The following FAM167A variants were observed in gnomAD, a reference collection of about 807,000 sequenced individuals.
The protein encoded by FAM167A is family with sequence similarity 167 member A.
In FAM167A, 23 loss-of-function variants were observed where a neutral mutation model predicts 14.9. The observed-to-expected ratio is 1.55, with a 90% CI of 1.11 to 2.19. The LOEUF (loss-of-function observed/expected upper bound fraction) is 2.19, where lower values mean the gene tolerates loss of function less well. Among genes scored for constraint, FAM167A ranks in the 30% most tolerant of loss-of-function variants. The pLI, the probability that FAM167A is intolerant of heterozygous loss-of-function variation, is 0.00. For synonymous variants in FAM167A, 174 were observed against 117.7 expected, an observed-to-expected ratio of 1.48 and a Z score of -3.10; for missense variants, 401 against 281.5, an observed-to-expected ratio of 1.42 and a Z score of -3.04.
chr8:11,435,664 G>C (rs968022623), intron 2 of FAM167A, among the ~76,000 whole-genome samples: 11 of 152,198 alleles, frequency 7.2e-5, no homozygotes, highest in African/African-American at 2.7e-4. Flanking sequence ...AGAAAGGACA[G>C]AGGAGCAGCC....
At chr8:11,471,298 G>A (rs1167295877), upstream of FAM167A, among the ~76,000 whole-genome samples, 6 of 152,208 alleles carry the variant, frequency 3.9e-5, no homozygotes, top group African/African-American at 9.7e-5. Flanking sequence ...GGGCACAGCT[G>A]CAGGGCTCGG....
At chr8:11,449,728 C>T (rs1434850791) in intron 1 of FAM167A, among the ~76,000 whole-genome samples, 1 of 152,212 alleles carries the variant, frequency 6.6e-6, no homozygotes, top group Non-Finnish European at 1.5e-5. Context: ...TGTGCCAGTG[C>T]CGAGGACCCA....
intron 2 of FAM167A, chr8:11,435,187 G>A: frequency 4.4e-6 from 2 of 454,354 alleles, no homozygotes; most frequent in Non-Finnish European, 8.9e-6. Context: ...CAGCCACACT[G>A]AGGTTCTGTC....
intron 2 of FAM167A, among the ~76,000 whole-genome samples, chr8:11,442,532 C>T (rs573465912): frequency 2.0e-5 from 3 of 152,294 alleles, no homozygotes; most frequent in Non-Finnish European, 4.4e-5. Flanking sequence ...AATAAAATCT[C>T]GAACTCGAAA....
At chr8:11,449,081 G>A (rs1156345673) in intron 1 of FAM167A, among the ~76,000 whole-genome samples, 1 of 152,260 alleles carries the variant, frequency 6.6e-6, no homozygotes, top group Non-Finnish European at 1.5e-5. Context: ...CAGCCAGATG[G>A]TGAGGAGCTG....
rs567983296 is a variant in FAM167A, at chr8:11,424,071, C to T, written c.*302G>A. 2.6e-5 allele frequency: 8 copies of T among 312,272 alleles called. No homozygotes were observed. Among genetic ancestry groups the T allele is most frequent in the African/African-American group, 6.2e-5 (3 of 48,098 alleles). The allele number at this position is 312,272 out of a possible 1,614,324, so 19.3% of individuals were successfully genotyped here. ...CACCAGTGATTCCAGGAAACAGGAA[C>T]GTGACCGTGGAGGGATGGATTATGG... is the stretch of plus-strand genomic sequence containing the variant. On this transcript the variant is annotated 3_prime_UTR_variant, in exon 3 of 3. Transcript: ENST00000284486.
intron 2 of FAM167A, among the ~76,000 whole-genome samples, chr8:11,429,210 G>T (rs1472784332): frequency 6.6e-6 from 1 of 152,154 alleles, no homozygotes; most frequent in Admixed American, 6.5e-5. Context: ...GAATCACACA[G>T]TATTTGTCCT....
chr8:11,436,908 G>A (rs1475294647), intron 2 of FAM167A, among the ~76,000 whole-genome samples: 1 of 152,248 alleles, frequency 6.6e-6, no homozygotes, highest in Non-Finnish European at 1.5e-5. Context: ...GACATGAGCT[G>A]CTGGAGTGGG....
At chr8:11,437,038 C>T (rs1264315560) in intron 2 of FAM167A, among the ~76,000 whole-genome samples, 1 of 152,216 alleles carries the variant, frequency 6.6e-6, no homozygotes, top group African/African-American at 2.4e-5. Flanking sequence ...AAGTTTGAGG[C>T]TGTTTTGTTC....
chr8:11,424,264 G>T lies in FAM167A; in HGVS notation c.*109C>A, dbSNP rs1804970297. On this transcript the variant is annotated 3_prime_UTR_variant, in exon 3 of 3. Transcript: ENST00000284486. Reference sequence around the variant, plus strand: ...GGGGCCCTTGAGTCGCCAGTCCCAGGGACCCCTGCCTCCGGGAGACCCACT... The same window carrying T: ...GGGGCCCTTGAGTCGCCAGTCCCAGTGACCCCTGCCTCCGGGAGACCCACT... 2.0e-6 allele frequency: 3 copies of T among 1,475,312 alleles called. No individual in the cohort carries two copies. Among genetic ancestry groups the T allele is most frequent in the East Asian group, 4.6e-5 (2 of 43,418 alleles). 91.4% of individuals were successfully genotyped at this position (1,475,312 alleles called of 1,614,324 possible).
chr8:11,475,620 G>A (rs561984707), intron 1 of FAM167A, among the ~76,000 whole-genome samples: 4 of 152,190 alleles, frequency 2.6e-5, no homozygotes, highest in African/African-American at 4.8e-5. Flanking sequence ...GAGCCATTAC[G>A]TTTTAAAAAC....
upstream of FAM167A, among the ~76,000 whole-genome samples, chr8:11,471,223 T>C (rs1807951314): frequency 6.6e-6 from 1 of 152,126 alleles, no homozygotes; most frequent in African/African-American, 2.4e-5. Context: ...TGGAAGGGCA[T>C]GTGCGGAGGC....
At chr8:11,443,597 C>T (rs1205948587) in intron 2 of FAM167A, 1 of 179,558 alleles carries the variant, frequency 5.6e-6, no homozygotes, top group African/African-American at 2.4e-5. Flanking sequence ...GGCCAGCGCC[C>T]AGCACAAGAA....
intron 2 of FAM167A, among the ~76,000 whole-genome samples, chr8:11,428,106 G>C (rs1357813495): frequency 1.5e-5 from 2 of 134,872 alleles, no homozygotes; most frequent in Non-Finnish European, 1.6e-5. Context: ...TGAAAAACTA[G>C]GAACCCTATG....
intron 1 of FAM167A, among the ~76,000 whole-genome samples, chr8:11,452,075 T>C (rs894707473): frequency 7.2e-5 from 11 of 152,150 alleles, no homozygotes; most frequent in African/African-American, 2.4e-4. Context: ...CTGCCACCAT[T>C]CCACGTGTCC....
chr8:11,444,764 G>A lies in FAM167A; in HGVS notation c.-353C>T. On this transcript the variant is annotated 5_prime_UTR_variant, in exon 2 of 3. Coordinates refer to ENST00000284486, the MANE Select transcript of FAM167A (RefSeq NM_053279.3). ...TCGAAGACCAGACTGGCAGGAAGAA[G>A]GCCCAGAGCTCTCTCTTCTCGGGAA... 9.7e-7 allele frequency: 1 copy of A among 1,027,346 alleles called. No individual in the cohort carries two copies. Among genetic ancestry groups the A allele is most frequent in the Non-Finnish European group, 1.2e-6 (1 of 857,410 alleles). The allele number at this position is 1,027,346 out of a possible 1,614,324, so 63.6% of individuals were successfully genotyped here.
intron 1 of FAM167A, among the ~76,000 whole-genome samples, chr8:11,448,663 T>C (rs1040479801): frequency 1.3e-5 from 2 of 152,206 alleles, no homozygotes; most frequent in Admixed American, 1.3e-4. Flanking sequence ...TGTTCTGCCA[T>C]AGAAGGGAGA....
intron 2 of FAM167A, among the ~76,000 whole-genome samples, chr8:11,426,215 C>T (rs985133733): frequency 2.0e-5 from 3 of 152,192 alleles, no homozygotes; most frequent in Non-Finnish European, 4.4e-5. Flanking sequence ...CCCCACCCTC[C>T]AAGCCCCTTC....
rs1804725977 is a variant in FAM167A, at chr8:11,421,556, A to G, written c.*2817T>C. The G allele has an allele frequency of 7.6e-6, 3 of 396,806 alleles. No individual in the cohort carries two copies. In the South Asian group the frequency reaches 4.3e-4, roughly 57 times the overall value. 24.6% of individuals were successfully genotyped at this position (396,806 alleles called of 1,614,324 possible). ...CAGCAATATAGAAACAAATAATCATAAAAAATAAAAGTATAAATCGTCCAT... is the reference window on the plus strand; with the variant it reads ...CAGCAATATAGAAACAAATAATCATGAAAAATAAAAGTATAAATCGTCCAT... On this transcript the variant is annotated 3_prime_UTR_variant, in exon 3 of 3. Transcript: ENST00000284486.
Sources: gnomAD v4.1 joint callset for allele counts (sites outside exome capture counted in the v4.1 genomes callset) on GRCh38, gnomAD v4.1.1 for gene constraint, MANE v1.5 for transcripts, NCBI Gene and HGNC (gene_info 2026-07-23, HGNC 2026-07-21) for gene names.